KCNIP1: variants seen among roughly 807,000 people sequenced by gnomAD.
The protein encoded by KCNIP1 is potassium voltage-gated channel interacting protein 1, also known as A-type potassium channel modulatory protein KCNIP1.
KCNIP1 carries 18 observed loss-of-function variants against 33.0 expected under a neutral mutation model. That is an observed-to-expected ratio of 0.55 (90% CI 0.38 to 0.81). The LOEUF is 0.81. KCNIP1 is among the 30% of genes least tolerant of loss of function. The pLI, the probability that KCNIP1 is intolerant of heterozygous loss-of-function variation, is 0.00. For synonymous variants in KCNIP1, 93 were observed against 98.3 expected, an observed-to-expected ratio of 0.95 and a Z score of 0.32; for missense variants, 238 against 271.6, an observed-to-expected ratio of 0.88 and a Z score of 0.87.
At chr5:170,440,347 G>C (rs1755961647) in intron 1 of KCNIP1, among the ~76,000 whole-genome samples, 1 of 152,210 alleles carries the variant, frequency 6.6e-6, no homozygotes, top group Admixed American at 6.5e-5. Flanking sequence ...GTGTGATAAG[G>C]CCATTTAAAC....
chr5:170,712,190 G>A (rs1440789666), intron 1 of KCNIP1, among the ~76,000 whole-genome samples: 1 of 152,110 alleles, frequency 6.6e-6, no homozygotes, highest in Non-Finnish European at 1.5e-5. Context: ...CATAATGGGG[G>A]ACTTGGCCGG....
At chr5:170,718,548 C>T (rs978978696) in intron 1 of KCNIP1, among the ~76,000 whole-genome samples, 10 of 152,168 alleles carry the variant, frequency 6.6e-5, no homozygotes, top group African/African-American at 1.7e-4. Flanking sequence ...TTCTCTCCAA[C>T]GCCGAAGCCC....
chr5:170,385,228 G>T (rs888539969), intron 1 of KCNIP1: 1 of 1,426,706 alleles, frequency 7.0e-7, no homozygotes, highest in Admixed American at 1.7e-5. Context: ...GTCAAGGAGA[G>T]GGGTGAGTAG....
upstream of KCNIP1, among the ~76,000 whole-genome samples, chr5:170,501,557 C>T (rs143327897): frequency 2.3e-4 from 35 of 152,314 alleles, no homozygotes; most frequent in African/African-American, 8.2e-4. Context: ...TTCTGATCTG[C>T]AAAATGGAGC....
chr5:170,606,591 A>G (rs1288864249), intron 1 of KCNIP1, among the ~76,000 whole-genome samples: 1 of 152,138 alleles, frequency 6.6e-6, no homozygotes, highest in African/African-American at 2.4e-5. Flanking sequence ...GCCATCTCAA[A>G]TGTTTTTTCC....
intron 1 of KCNIP1, among the ~76,000 whole-genome samples, chr5:170,412,657 G>C (rs1307042808): frequency 6.6e-6 from 1 of 152,146 alleles, no homozygotes; most frequent in Non-Finnish European, 1.5e-5. Flanking sequence ...GTCTTGGGTG[G>C]AGAAAACTAG....
chr5:170,683,894 ATGTG>A (rs1168722972), intron 1 of KCNIP1, among the ~76,000 whole-genome samples: 3 of 91,636 alleles, frequency 3.3e-5, no homozygotes, highest in Non-Finnish European at 6.5e-5. Context: ...CAGCTAGTGT[ATGTG>A]TGTGTGTGTG....
chr5:170,713,184 G>A (rs329476), intron 1 of KCNIP1, among the ~76,000 whole-genome samples: 35,944 of 152,184 alleles, frequency 0.24, 4,392 homozygotes, highest in South Asian at 0.31. Context: ...CTGGATTTCT[G>A]TGTTCTCTTT....
At chr5:170,371,262 C>T (rs1763835475) in intron 1 of KCNIP1, among the ~76,000 whole-genome samples, 1 of 152,160 alleles carries the variant, frequency 6.6e-6, no homozygotes, top group Non-Finnish European at 1.5e-5. Flanking sequence ...TCTGTCTTGG[C>T]AGTGCCCACA....
chr5:170,451,579 C>CA (rs11365624), intron 1 of KCNIP1, among the ~76,000 whole-genome samples: 104 of 143,654 alleles, frequency 7.2e-4, no homozygotes, highest in East Asian at 6.7e-3. Flanking sequence ...CCTGAACTTG[C>CA]AAAAAAAAAA....
At chr5:170,582,437 A>C (rs1168232826) in intron 1 of KCNIP1, among the ~76,000 whole-genome samples, 1 of 152,210 alleles carries the variant, frequency 6.6e-6, no homozygotes, top group Non-Finnish European at 1.5e-5. Flanking sequence ...AACATTTAGC[A>C]GTTGCTCAAT....
chr5:170,682,110 C>A (rs1762371478), intron 1 of KCNIP1, among the ~76,000 whole-genome samples: 1 of 152,250 alleles, frequency 6.6e-6, no homozygotes, highest in Non-Finnish European at 1.5e-5. Flanking sequence ...CATTTGTAGA[C>A]AAAGGACTAG....
At chr5:170,493,181 C>A (rs910934859) in intron 1 of KCNIP1, among the ~76,000 whole-genome samples, 2 of 152,234 alleles carry the variant, frequency 1.3e-5, no homozygotes, top group Middle Eastern at 3.4e-3. Context: ...GTATCTGTAT[C>A]CCCCACCAAA....
At chr5:170,409,598 G>C (rs1324715915) in intron 1 of KCNIP1, among the ~76,000 whole-genome samples, 1 of 152,198 alleles carries the variant, frequency 6.6e-6, no homozygotes, top group Non-Finnish European at 1.5e-5. Context: ...TCGCCATGTA[G>C]GGTTGTGTGG....
chr5:170,677,817 G>A (rs1010476797), intron 1 of KCNIP1, among the ~76,000 whole-genome samples: 6 of 151,328 alleles, frequency 4.0e-5, no homozygotes, highest in Non-Finnish European at 5.9e-5. Flanking sequence ...TAAGGCAAAT[G>A]GACCTAAGGG....
chr5:170,445,741 C>T (rs1269555453), intron 1 of KCNIP1, among the ~76,000 whole-genome samples: 1 of 152,204 alleles, frequency 6.6e-6, no homozygotes, highest in African/African-American at 2.4e-5. Context: ...TCACTATCCC[C>T]CGCTCCCTTT....
At position 170,733,874 on chromosome 5, in the gene KCNIP1, T is replaced by C. The variant is rs368137837; in HGVS notation, c.579T>C (p.Asp193=). The part of the protein sequence containing the change: ...DKNKDGIVTL[D]EFLESCQEDD... ...ATAAAGATGGCATCGTAACTTTAGA[T>C]GAATTTCTTGAATCATGTCAGGAGG... The change falls in exon 7 of 8, where the codon GAT becomes GAC. Residue 193 remains aspartate (D), a synonymous_variant. Coordinates refer to ENST00000328939, the MANE Select transcript of KCNIP1 (RefSeq NM_014592.4). The C allele has an allele frequency of 6.2e-7, 1 of 1,613,772 alleles. No individual in the cohort carries two copies. The highest frequency in any genetic ancestry group is 8.5e-7 in the Non-Finnish European group (1 of 1,179,694).
chr5:170,634,514 G>A (rs1276557444), intron 1 of KCNIP1, among the ~76,000 whole-genome samples: 2 of 152,220 alleles, frequency 1.3e-5, no homozygotes, highest in Admixed American at 1.3e-4. Flanking sequence ...GATGTTTGAG[G>A]CTGGCATTCA....
intron 1 of KCNIP1, among the ~76,000 whole-genome samples, chr5:170,664,406 T>C (rs1408386990): frequency 6.6e-6 from 1 of 152,174 alleles, no homozygotes; most frequent in African/African-American, 2.4e-5. Flanking sequence ...AATTCCTCCC[T>C]GTGCAAGTGC....
Sources: gnomAD v4.1 joint callset for allele counts (sites outside exome capture counted in the v4.1 genomes callset) on GRCh38, gnomAD v4.1.1 for gene constraint, MANE v1.5 for transcripts, NCBI Gene and HGNC (gene_info 2026-07-23, HGNC 2026-07-21) for gene names.